RHOU: variants seen among roughly 807,000 people sequenced by gnomAD.
RHOU encodes ras homolog family member U.
Under a neutral mutation model 12.6 loss-of-function variants are expected in RHOU, and 8 were observed. That is an observed-to-expected ratio of 0.64 (90% confidence interval 0.37 to 1.15). The LOEUF (loss-of-function observed/expected upper bound fraction) is 1.15, where lower values mean the gene tolerates loss of function less well. RHOU is among the 50% of genes most tolerant of loss of function. The pLI is 0.01. For synonymous variants in RHOU, 161 were observed against 147.4 expected, an observed-to-expected ratio of 1.09 and a Z score of -0.67; for missense variants, 258 against 347.0, an observed-to-expected ratio of 0.74 and a Z score of 2.04.
At chr1:228,687,692 G>A in the RHOU span, 1 of 1,483,432 alleles carries the variant, frequency 6.7e-7, no homozygotes, top group African/African-American at 1.4e-5. Flanking sequence ...CACATTACCT[G>A]AATAAGCAGG....
At chr1:228,656,567 A>G in the RHOU span, among the ~76,000 whole-genome samples, 1 of 152,226 alleles carries the variant, frequency 6.6e-6, no homozygotes, top group Admixed American at 6.5e-5. Context: ...GGAGCTTTAA[A>G]AAAAAAGAGT....
At chr1:228,711,486 G>A in the RHOU span, among the ~76,000 whole-genome samples, 4 of 152,152 alleles carry the variant, frequency 2.6e-5, no homozygotes, top group Middle Eastern at 3.4e-3. Context: ...ACAGAACAGA[G>A]CCCTCAGAAA....
chr1:228,676,665 T>C, the RHOU span, among the ~76,000 whole-genome samples: 2 of 152,110 alleles, frequency 1.3e-5, no homozygotes, highest in Non-Finnish European at 2.9e-5. Flanking sequence ...AGAGAGTCAG[T>C]GAAGGGTGGT....
chr1:228,732,661 G>GA (rs1401976020), upstream of RHOU, among the ~76,000 whole-genome samples: 1 of 152,084 alleles, frequency 6.6e-6, no homozygotes, highest in Non-Finnish European at 1.5e-5. Context: ...GTTGTGTCCA[G>GA]AAAAACGGGC....
At chr1:228,723,454 T>C in the RHOU span, among the ~76,000 whole-genome samples, 577 of 152,304 alleles carry the variant, frequency 3.8e-3, 3 homozygotes, top group Middle Eastern at 0.027. Flanking sequence ...CCCTAGTCTT[T>C]TAATATGCAA....
the RHOU span, chr1:228,687,563 C>A: frequency 1.3e-6 from 2 of 1,550,944 alleles, no homozygotes; most frequent in Non-Finnish European, 1.8e-6. Flanking sequence ...ACTGGGAGAG[C>A]GGGCTGAATG....
At chr1:228,665,273 A>G in the RHOU span, among the ~76,000 whole-genome samples, 4 of 152,230 alleles carry the variant, frequency 2.6e-5, no homozygotes, top group African/African-American at 9.6e-5. Flanking sequence ...TTTAGGTACT[A>G]TTATTACCAT....
the RHOU span, among the ~76,000 whole-genome samples, chr1:228,716,376 A>G: frequency 6.6e-6 from 1 of 152,142 alleles, no homozygotes; most frequent in Non-Finnish European, 1.5e-5. Context: ...CATAATTAAT[A>G]TATACACTCA....
At chr1:228,693,925 G>A in the RHOU span, among the ~76,000 whole-genome samples, 2 of 152,278 alleles carry the variant, frequency 1.3e-5, no homozygotes, top group African/African-American at 4.8e-5. Context: ...GAGCTAGAAA[G>A]AACAAACTTT....
the RHOU span, among the ~76,000 whole-genome samples, chr1:228,698,000 T>C: frequency 6.6e-6 from 1 of 152,238 alleles, no homozygotes; most frequent in Non-Finnish European, 1.5e-5. Flanking sequence ...CAATGATTAA[T>C]TGTAATTTCA....
the RHOU span, chr1:228,650,922 G>T: frequency 2.7e-6 from 1 of 370,732 alleles, no homozygotes; most frequent in Non-Finnish European, 5.3e-6. Context: ...GTGGAAGAAG[G>T]CCACATGGCT....
upstream of RHOU, among the ~76,000 whole-genome samples, chr1:228,733,850 C>T (rs766893736): frequency 6.6e-6 from 1 of 152,232 alleles, no homozygotes; most frequent in East Asian, 1.9e-4. Context: ...ATCCTGTCAT[C>T]ACAGCCAGGG....
At chr1:228,706,502 T>C in the RHOU span, among the ~76,000 whole-genome samples, 1 of 152,208 alleles carries the variant, frequency 6.6e-6, no homozygotes, top group African/African-American at 2.4e-5. Context: ...CTGCCTATGA[T>C]TGGCTGGAAC....
At chr1:228,653,610 C>T in the RHOU span, among the ~76,000 whole-genome samples, 24,978 of 152,094 alleles carry the variant, frequency 0.16, 2,308 homozygotes, top group East Asian at 0.34. Flanking sequence ...TGAGCCACTG[C>T]GCCCAGCCTT....
chr1:228,702,426 G>A, the RHOU span, among the ~76,000 whole-genome samples: 2 of 152,232 alleles, frequency 1.3e-5, no homozygotes, highest in African/African-American at 4.8e-5. Context: ...AGAATGGCCA[G>A]GAGGCAAAGC....
the RHOU span, among the ~76,000 whole-genome samples, chr1:228,646,876 A>C: frequency 1.3e-5 from 2 of 151,962 alleles, no homozygotes; most frequent in African/African-American, 2.4e-5. Context: ...ATGGAGAGAT[A>C]GAAACCGAGG....
At chr1:228,659,965 A>C in the RHOU span, among the ~76,000 whole-genome samples, 3 of 74,326 alleles carry the variant, frequency 4.0e-5, no homozygotes, top group African/African-American at 7.2e-5. Flanking sequence ...CAAAAAAAAA[A>C]CAAAAAAAAA....
the RHOU span, among the ~76,000 whole-genome samples, chr1:228,673,835 C>T: frequency 2.0e-5 from 3 of 152,192 alleles, no homozygotes; most frequent in African/African-American, 7.2e-5. Flanking sequence ...GTGTTTACAG[C>T]TTTAGGTTAT....
the RHOU span, among the ~76,000 whole-genome samples, chr1:228,672,462 C>T: frequency 4.6e-5 from 7 of 152,148 alleles, no homozygotes; most frequent in African/African-American, 1.7e-4. Flanking sequence ...TGTGCCCAGC[C>T]GCATTTTCAT....
Sources: gnomAD v4.1 joint callset for allele counts (sites outside exome capture counted in the v4.1 genomes callset) on GRCh38, gnomAD v4.1.1 for gene constraint, MANE v1.5 for transcripts, NCBI Gene and HGNC (gene_info 2026-07-23, HGNC 2026-07-21) for gene names.